Variants in KCNE3 observed in about 807,000 individuals in gnomAD.
KCNE3 encodes the protein potassium voltage-gated channel subfamily E member 3.
A neutral mutation model predicts 4.3 loss-of-function variants in KCNE3; 2 were observed. The observed-to-expected ratio is 0.47, with a 90% CI of 0.19 to 1.48. The LOEUF (loss-of-function observed/expected upper bound fraction) is 1.48, where lower values mean the gene tolerates loss of function less well. Among genes scored for constraint, KCNE3 ranks in the 40% most tolerant of loss-of-function variants. The probability of loss-of-function intolerance (pLI) is 0.25; values close to 1 mark genes in which losing one functional copy is unlikely to be tolerated. For missense variants in KCNE3, 128 were observed against 136.8 expected, an observed-to-expected ratio of 0.94 and a Z score of 0.32; for synonymous variants, 47 against 52.0, an observed-to-expected ratio of 0.90 and a Z score of 0.41.
intron 1 of KCNE3, among the ~76,000 whole-genome samples, chr11:74,466,391 G>A (rs1864057299): frequency 6.6e-6 from 1 of 152,156 alleles, no homozygotes; most frequent in Non-Finnish European, 1.5e-5. Flanking sequence ...CAGCTTCTAG[G>A]CCCCCAGCAT....
chr11:74,458,212 T>G (rs933574132), intron 2 of KCNE3, among the ~76,000 whole-genome samples: 4 of 152,220 alleles, frequency 2.6e-5, no homozygotes, highest in Non-Finnish European at 5.9e-5. Flanking sequence ...AATAAATAAT[T>G]GTACAACAAA....
intron 1 of KCNE3, chr11:74,464,460 G>C (rs1864018795): frequency 6.6e-6 from 1 of 152,338 alleles, no homozygotes; most frequent in South Asian, 2.1e-4. Context: ...TTGGAGAGCT[G>C]GTGGAGTGGG....
In KCNE3 at chr11:74,455,019, G is replaced by A. The variant is rs1210235442; in HGVS notation, c.*2233C>T. On this transcript the variant is annotated 3_prime_UTR_variant, in exon 3 of 3. Transcript: ENST00000310128. Reference sequence around the variant, plus strand: ...ACAGGGCTCAGCACAGGTTTGCAGAGCATCAACATAACTGCATATGGCAGC... The same window carrying A: ...ACAGGGCTCAGCACAGGTTTGCAGAACATCAACATAACTGCATATGGCAGC... 2 of 152,222 alleles carry A rather than the reference G, an allele frequency of 1.3e-5. No individual in the cohort carries two copies. Among genetic ancestry groups the A allele is most frequent in the African/African-American group, 4.8e-5 (2 of 41,446 alleles). The allele number at this position is 152,222 out of a possible 1,614,324, so 9.4% of individuals were successfully genotyped here. A position where few individuals can be genotyped will look rare whatever the true frequency, so the allele number is the denominator to read the frequency against.
At chr11:74,464,490 C>G (rs991083496) in intron 1 of KCNE3, among the ~76,000 whole-genome samples, 22 of 152,064 alleles carry the variant, frequency 1.4e-4, no homozygotes, top group African/African-American at 5.3e-4. Context: ...GAAGGAGTAG[C>G]CCTTAGCATC....
chr11:74,455,736 G>GT lies in KCNE3; in HGVS notation c.*1515dup, dbSNP rs41315535. On this transcript the variant is annotated 3_prime_UTR_variant, in exon 3 of 3. Transcript: ENST00000310128. Reference sequence around the variant, plus strand: ...ATCAGTCTTTTTTGTTTTTGTTTTTGTTTTTTTTTGAGACAGAGCCTTGCT... The same window carrying GT: ...ATCAGTCTTTTTTGTTTTTGTTTTTGTTTTTTTTTTGAGACAGAGCCTTGCT... 0.24 allele frequency: 35,536 copies of GT among 148,804 alleles called. 6,156 individuals are homozygous for GT. Among genetic ancestry groups the GT allele is most frequent in the African/African-American group, 0.49 (19,822 of 40,300 alleles). The allele number at this position is 148,804 out of a possible 1,614,324, so 9.2% of individuals were successfully genotyped here.
intron 2 of KCNE3, among the ~76,000 whole-genome samples, chr11:74,459,492 G>A (rs1421117002): frequency 6.6e-6 from 1 of 152,000 alleles, no homozygotes; most frequent in Non-Finnish European, 1.5e-5. Context: ...TCGATCTCCT[G>A]ACTTTGTGAT....
chr11:74,461,156 G>A lies in KCNE3; in HGVS notation c.-41+799C>T, dbSNP rs192947485. Among the ~76,000 whole-genome samples the A allele has an allele frequency of 7.9e-5, 12 of 152,272 alleles. No individual in the cohort carries two copies. In the East Asian group the frequency reaches 2.3e-3, roughly 29 times the overall value. ...ATCTACCAAAAGACATTATCATGGA[G>A]TTGTTGTATGGTAGGTATAGAGTTT... On this transcript the variant is annotated intron_variant, in intron 2 of 2. Coordinates refer to ENST00000310128, the MANE Select transcript of KCNE3 (RefSeq NM_005472.5).
rs2135024558 is a variant in KCNE3, at chr11:74,467,540, C to T, written c.-332G>A. 1 of 152,950 alleles carries T rather than the reference C, an allele frequency of 6.5e-6. No homozygotes were observed. The highest frequency in any genetic ancestry group is 1.5e-5 in the Non-Finnish European group (1 of 68,250). The allele number at this position is 152,950 out of a possible 1,614,324, so 9.5% of individuals were successfully genotyped here. ...GGTGCCCAGCACCGCCCAGCGCGCT[C>T]TCTGGCTCTGGGCTCCCACCCGCGC... On this transcript the variant is annotated 5_prime_UTR_variant, in exon 1 of 3. Transcript: ENST00000310128. This position sits in a 1 kb window ranked among gnomAD's most constrained non-coding sequence, Gnocchi z 4.4.
At chr11:74,459,997 G>A (rs532155876) in intron 2 of KCNE3, among the ~76,000 whole-genome samples, 1 of 152,196 alleles carries the variant, frequency 6.6e-6, no homozygotes, top group Non-Finnish European at 1.5e-5. Flanking sequence ...CATCATATGG[G>A]TAGAACTGTT....
chr11:74,457,093 C>T lies in KCNE3; in HGVS notation c.*159G>A. The T allele has an allele frequency of 1.4e-6, 1 of 727,692 alleles. No individual in the cohort carries two copies. Among genetic ancestry groups the T allele is most frequent in the Non-Finnish European group, 2.4e-6 (1 of 418,544 alleles). The allele number at this position is 727,692 out of a possible 1,614,324, so 45.1% of individuals were successfully genotyped here. ...ATGCACAAGGCTTCGGTCTACCAGC[C>T]CCTCTTCTCCCACCCCAGTGACGAC... On this transcript the variant is annotated 3_prime_UTR_variant, in exon 3 of 3. Coordinates refer to ENST00000310128, the MANE Select transcript of KCNE3 (RefSeq NM_005472.5).
At chr11:74,458,543 CACAG>C (rs1863875162) in intron 2 of KCNE3, among the ~76,000 whole-genome samples, 1 of 152,202 alleles carries the variant, frequency 6.6e-6, no homozygotes, top group South Asian at 2.1e-4. Flanking sequence ...CTTTAGACTG[CACAG>C]ACAGGTTGGG....
intron 1 of KCNE3, chr11:74,462,381 C>T (rs1863973844): frequency 6.6e-6 from 1 of 152,250 alleles, no homozygotes. Flanking sequence ...CATGAGAAAC[C>T]TGTTTAAAAT....
rs546074595 is a variant in KCNE3 at position 74,467,224 on chromosome 11, G to C, written c.-190+174C>G. Among the ~76,000 whole-genome samples, 1 of 152,100 alleles carries C rather than the reference G, an allele frequency of 6.6e-6. No homozygotes were observed. Among genetic ancestry groups the C allele is most frequent in the African/African-American group, 2.4e-5 (1 of 41,416 alleles). On this transcript the variant is annotated intron_variant, in intron 1 of 2. Transcript: ENST00000310128. This position sits in a 1 kb window ranked among gnomAD's most constrained non-coding sequence, Gnocchi z 4.4. ...CACGATCACTGCGCTCGGGAGGATC[G>C]GGGAGGATCCGGGAGGACTAGCTTG...
At chr11:74,459,472 C>T (rs1352567238) in intron 2 of KCNE3, among the ~76,000 whole-genome samples, 2 of 152,012 alleles carry the variant, frequency 1.3e-5, no homozygotes, top group Non-Finnish European at 2.9e-5. Flanking sequence ...CCATGTTAGC[C>T]AGGATGGTCT....
At chr11:74,465,159 T>G (rs1864035621) in intron 1 of KCNE3, among the ~76,000 whole-genome samples, 1 of 152,028 alleles carries the variant, frequency 6.6e-6, no homozygotes, top group South Asian at 2.1e-4. Flanking sequence ...TGTGTAACTG[T>G]GCGCTTTAAG....
At position 74,460,310 on chromosome 11, in the gene KCNE3, A is replaced by G. The variant is rs148963791; in HGVS notation, c.-41+1645T>C. 3.7e-3 allele frequency among the ~76,000 whole-genome samples: 565 copies of G among 152,350 alleles called. 7 individuals are homozygous for G. Among genetic ancestry groups the G allele is most frequent in the African/African-American group, 0.013 (536 of 41,572 alleles). ...GCTTCCCTCGTGTGGGCCAATAGCAAGTAGGAGCAGCATGATGAAATAAAT... is the reference window on the plus strand; with the variant it reads ...GCTTCCCTCGTGTGGGCCAATAGCAGGTAGGAGCAGCATGATGAAATAAAT... On this transcript the variant is annotated intron_variant, in intron 2 of 2. Coordinates refer to ENST00000310128, the MANE Select transcript of KCNE3 (RefSeq NM_005472.5).
chr11:74,465,622 C>T (rs1864043934), intron 1 of KCNE3, among the ~76,000 whole-genome samples: 1 of 152,166 alleles, frequency 6.6e-6, no homozygotes, highest in Admixed American at 6.5e-5. Context: ...ACTCCCCAGT[C>T]CCTCAGCCTG....
In KCNE3 at chr11:74,456,250, T is replaced by C. The variant is rs1863811553; in HGVS notation, c.*1002A>G. ...AGGTGGCTGAGGCAGGATAATTGCT[T>C]GAACCCGGGAGGTGGGGGTTGCAGT... On this transcript the variant is annotated 3_prime_UTR_variant, in exon 3 of 3. Coordinates refer to ENST00000310128, the MANE Select transcript of KCNE3 (RefSeq NM_005472.5). 6.9e-6 allele frequency: 1 copy of C among 145,622 alleles called. No homozygotes were observed. Among genetic ancestry groups the C allele is most frequent in the African/African-American group, 2.5e-5 (1 of 39,732 alleles). The allele number at this position is 145,622 out of a possible 1,614,324, so 9.0% of individuals were successfully genotyped here. A position where few individuals can be genotyped will look rare whatever the true frequency, so the allele number is the denominator to read the frequency against.
Position 74,455,510 on chromosome 11 carries a change from T to G in KCNE3, c.*1742A>C, listed in dbSNP as rs1863789686. ...AACTTAATGTATATGAAGCCTAGAA[T>G]GTCAGAACTGATAGAGCCTTAGAGA... On this transcript the variant is annotated 3_prime_UTR_variant, in exon 3 of 3. Transcript: ENST00000310128. 1 of 152,168 alleles carries G rather than the reference T, an allele frequency of 6.6e-6. No homozygotes were observed. The highest frequency in any genetic ancestry group is 2.1e-4 in the South Asian group (1 of 4,832). The allele number at this position is 152,168 out of a possible 1,614,324, so 9.4% of individuals were successfully genotyped here. A position where few individuals can be genotyped will look rare whatever the true frequency, so the allele number is the denominator to read the frequency against.
Sources: gnomAD v4.1 joint callset for allele counts (sites outside exome capture counted in the v4.1 genomes callset) on GRCh38, gnomAD v4.1.1 for gene constraint, Gnocchi (gnomAD v3.1) non-coding constraint, MANE v1.5 for transcripts, NCBI Gene and HGNC (gene_info 2026-07-23, HGNC 2026-07-21) for gene names.